AAK1: variants seen among roughly 807,000 people sequenced by gnomAD.
AAK1 encodes the protein AP2-associated protein kinase 1.
Under a neutral mutation model 116.0 loss-of-function variants are expected in AAK1, and 37 were observed. The observed-to-expected ratio is 0.32, with a 90% confidence interval of 0.25 to 0.42. AAK1 has a LOEUF of 0.42. AAK1 is among the 10% of genes least tolerant of loss of function. The probability of loss-of-function intolerance (pLI) is 1.00; values close to 1 mark genes in which losing one functional copy is unlikely to be tolerated. For synonymous variants in AAK1, 458 were observed against 439.9 expected, an observed-to-expected ratio of 1.04 and a Z score of -0.51; for missense variants, 919 against 1,170.6, an observed-to-expected ratio of 0.79 and a Z score of 3.14.
rs1674572407 is a variant in AAK1, at chr2:69,468,682, C to T, written c.*7187G>A. ...GAATTCAGTTAAAACAATTTGTGCACAGAGACTGGCAAAAAAGCAGCTATC... is the reference window on the plus strand; with the variant it reads ...GAATTCAGTTAAAACAATTTGTGCATAGAGACTGGCAAAAAAGCAGCTATC... On this transcript the variant is annotated 3_prime_UTR_variant, in exon 22 of 22. Coordinates refer to ENST00000409085, the MANE Select transcript of AAK1 (RefSeq NM_014911.5). 1.0e-6 allele frequency: 1 copy of T among 985,272 alleles called. No homozygotes were observed. Among genetic ancestry groups the T allele is most frequent in the Admixed American group, 6.2e-5 (1 of 16,256 alleles). The allele number at this position is 985,272 out of a possible 1,614,324, so 61.0% of individuals were successfully genotyped here.
At position 69,483,228 on chromosome 2, in the gene AAK1, C is replaced by T. The variant is rs537857202; in HGVS notation, c.2366-416G>A. Among the ~76,000 whole-genome samples the T allele has an allele frequency of 4.6e-5, 7 of 152,256 alleles. No individual in the cohort carries two copies. The South Asian group carries it at 1.5e-3, about 32-fold the overall frequency. On this transcript the variant is annotated intron_variant, in intron 17 of 21. Coordinates refer to ENST00000409085, the MANE Select transcript of AAK1 (RefSeq NM_014911.5). ...CTTCATAACCCTTTACAGTCAGTGCCTTCCTCTCACCACAGACCCTGGTAA... is the reference window on the plus strand; with the variant it reads ...CTTCATAACCCTTTACAGTCAGTGCTTTCCTCTCACCACAGACCCTGGTAA...
In AAK1 at chr2:69,509,300, C is replaced by T. The variant is rs1676302345; in HGVS notation, c.1937G>A (p.Gly646Glu). 1.2e-6 allele frequency: 2 copies of T among 1,613,796 alleles called. No individual in the cohort carries two copies. Among genetic ancestry groups the T allele is most frequent in the Admixed American group, 3.3e-5 (2 of 60,002 alleles). The change falls in exon 14 of 22, where the codon GGG (glycine) becomes GAG (glutamate). Residue 646 changes from glycine (G) to glutamate (E), a missense_variant. Around this residue, in one of 4 missense-constraint regions of AAK1, gnomAD observed 125 missense variants for 184.1 expected, o/e 0.68. Coordinates refer to ENST00000409085, the MANE Select transcript of AAK1 (RefSeq NM_014911.5). ...LSDVTHSAVF[G>E]VPASKSTQLL... ...CTGGGTTGATTTGCTGGCAGGGACC[C>T]CAAAGACTGCACTGTGGGTTACGTC...
chr2:69,509,157 A>C, intron 14 of AAK1, 74 bp downstream of exon 14: 1 of 1,274,154 alleles, frequency 7.8e-7, no homozygotes, highest in Non-Finnish European at 1.1e-6. Flanking sequence ...ACTTATGCAA[A>C]GAATCACACA....
At chr2:69,518,748 A>G (rs1406025271) in intron 12 of AAK1, among the ~76,000 whole-genome samples, 3 of 152,186 alleles carry the variant, frequency 2.0e-5, no homozygotes, top group Non-Finnish European at 2.9e-5. Context: ...ATGTTCCTCA[A>G]TCAGATGACA....
chr2:69,553,326 T>C (rs1485431043), intron 3 of AAK1, among the ~76,000 whole-genome samples: 1 of 151,682 alleles, frequency 6.6e-6, no homozygotes, highest in Non-Finnish European at 1.5e-5. Flanking sequence ...AGCTAAAATA[T>C]AGTAGAACGG....
chr2:69,629,617 T>C (rs1189023294), intron 2 of AAK1, among the ~76,000 whole-genome samples: 2 of 152,194 alleles, frequency 1.3e-5, no homozygotes, highest in East Asian at 1.9e-4. Flanking sequence ...TATTATACGA[T>C]TGGAATAGGG....
chr2:69,549,404 A>C (rs1359318366), intron 3 of AAK1, among the ~76,000 whole-genome samples: 1 of 152,176 alleles, frequency 6.6e-6, no homozygotes, highest in African/African-American at 2.4e-5. Context: ...TATAATAAAC[A>C]GGTGAAATAG....
At position 69,530,011 on chromosome 2, in the gene AAK1, T is replaced by C; in HGVS notation, c.868A>G (p.Ile290Val). ...ACTAGAAACTTAAAATACTTACTAA[T>C]TAGGCAGTGCATGTCTTGAGAATAT... ...SRYSQDMHCLIRYMLEPDPDK... is the reference protein window; with the variant it reads ...SRYSQDMHCLVRYMLEPDPDK... The change falls in exon 8 of 22, where the codon ATT becomes GTT. Residue 290 changes from isoleucine (I) to valine (V), a missense_variant. Physicochemically the swap from Ile to Val is conservative, Grantham distance 29 (BLOSUM62 3). This residue lies in a region of AAK1 where 317 missense variants were observed against 490.4 expected (regional missense o/e 0.65). Coordinates refer to ENST00000409085, the MANE Select transcript of AAK1 (RefSeq NM_014911.5). 6.4e-7 allele frequency: 1 copy of C among 1,563,550 alleles called. No individual in the cohort carries two copies. Among genetic ancestry groups the C allele is most frequent in the African/African-American group, 1.4e-5 (1 of 72,820 alleles).
chr2:69,572,570 G>A (rs1672130378), intron 2 of AAK1, among the ~76,000 whole-genome samples: 1 of 137,636 alleles, frequency 7.3e-6, no homozygotes, highest in South Asian at 2.5e-4. Flanking sequence ...AGTGAGCCGA[G>A]ATCATGCCAC....
In AAK1 at chr2:69,466,635, C is replaced by G; in HGVS notation, c.*9234G>C. ...TTTAATGGTCAACCCGCGGCAAAAA[C>G]ATTGTGGGACCAAATAATAGATGTT... is the stretch of plus-strand genomic sequence containing the variant. On this transcript the variant is annotated 3_prime_UTR_variant, in exon 22 of 22. Coordinates refer to ENST00000409085, the MANE Select transcript of AAK1 (RefSeq NM_014911.5). 1 of 1,093,912 alleles carries G rather than the reference C, an allele frequency of 9.1e-7. No homozygotes were observed. 67.8% of individuals were successfully genotyped at this position (1,093,912 alleles called of 1,614,324 possible).
At chr2:69,582,571 AC>A (rs1300756764) in intron 2 of AAK1, among the ~76,000 whole-genome samples, 3 of 152,182 alleles carry the variant, frequency 2.0e-5, no homozygotes, top group Non-Finnish European at 2.9e-5. Context: ...AAGACCTGCT[AC>A]TGGGGGGTGA....
chr2:69,533,231 C>G (rs1670329056), intron 5 of AAK1, among the ~76,000 whole-genome samples: 1 of 152,092 alleles, frequency 6.6e-6, no homozygotes, highest in South Asian at 2.1e-4. Context: ...TAATCATATT[C>G]TTGGTCTTCT....
At chr2:69,496,175 A>G in intron 16 of AAK1, 95 bp from the exon 17 acceptor site, 1 of 826,254 alleles carries the variant, frequency 1.2e-6, no homozygotes, top group Non-Finnish European at 2.0e-6. Context: ...CCCTCTATTA[A>G]TGCAACAGTT....
intron 5 of AAK1, among the ~76,000 whole-genome samples, chr2:69,541,378 G>T (rs967921630): frequency 6.6e-6 from 1 of 151,788 alleles, no homozygotes; most frequent in Non-Finnish European, 1.5e-5. Flanking sequence ...CTATAGGCAT[G>T]CGCTACTACA....
At chr2:69,621,972 C>T (rs191132870) in intron 2 of AAK1, among the ~76,000 whole-genome samples, 199 of 152,378 alleles carry the variant, frequency 1.3e-3, no homozygotes, top group Middle Eastern at 6.8e-3. Flanking sequence ...CCTTGGCGCC[C>T]ACTCTGGCCG....
chr2:69,544,943 T>C (rs558489610), intron 3 of AAK1, among the ~76,000 whole-genome samples: 76 of 152,276 alleles, frequency 5.0e-4, no homozygotes, highest in African/African-American at 1.8e-3. Context: ...ATAAAATTGA[T>C]GTTTTTCCTG....
intron 8 of AAK1, among the ~76,000 whole-genome samples, chr2:69,527,643 G>A (rs1223989801): frequency 2.0e-5 from 3 of 152,050 alleles, no homozygotes; most frequent in East Asian, 1.9e-4. Flanking sequence ...GAGGTTACAC[G>A]GTCTTACCAT....
At position 69,475,724 on chromosome 2, in the gene AAK1, G is replaced by A. The variant is rs1023525607; in HGVS notation, c.*145C>T. On this transcript the variant is annotated 3_prime_UTR_variant, in exon 22 of 22. Coordinates refer to ENST00000409085, the MANE Select transcript of AAK1 (RefSeq NM_014911.5). ...ATTTTCTTTCCTTATCATTTCTACA[G>A]GAGAAGGCAAGGGGTAGGAGAAAAG... 4 of 1,415,408 alleles carry A rather than the reference G, an allele frequency of 2.8e-6. No individual in the cohort carries two copies. The African/African-American group carries it at 5.7e-5, about 20-fold the overall frequency. The allele number at this position is 1,415,408 out of a possible 1,614,324, so 87.7% of individuals were successfully genotyped here.
chr2:69,557,648 G>A (rs571751224), intron 2 of AAK1, among the ~76,000 whole-genome samples: 2 of 152,198 alleles, frequency 1.3e-5, no homozygotes, highest in East Asian at 3.9e-4. Context: ...GTGAGATTGG[G>A]TGTTATTTTC....
Sources: gnomAD v4.1 joint callset for allele counts (sites outside exome capture counted in the v4.1 genomes callset) on GRCh38, gnomAD v4.1.1 for gene constraint, gnomAD v4.1.1 regional missense constraint, MANE v1.5 for transcripts, NCBI Gene and HGNC (gene_info 2026-07-23, HGNC 2026-07-21) for gene names.